The following KCNIP4 variants were observed in gnomAD, a reference collection of about 807,000 sequenced individuals.
The protein encoded by KCNIP4 is potassium voltage-gated channel interacting protein 4.
Under a neutral mutation model 34.0 loss-of-function variants are expected in KCNIP4, and 12 were observed. The observed-to-expected ratio is 0.35, with a 90% CI of 0.23 to 0.57. KCNIP4 has a LOEUF of 0.57. KCNIP4 is among the 20% of genes least tolerant of loss of function. KCNIP4 has a pLI of 0.83. For synonymous variants in KCNIP4, 124 were observed against 102.2 expected, an observed-to-expected ratio of 1.21 and a Z score of -1.29; for missense variants, 238 against 311.7, an observed-to-expected ratio of 0.76 and a Z score of 1.78.
chr4:21,322,447 G>A (rs1714599055), intron 1 of KCNIP4, among the ~76,000 whole-genome samples: 1 of 152,048 alleles, frequency 6.6e-6, no homozygotes, highest in Non-Finnish European at 1.5e-5. Context: ...CTTTTGGCTA[G>A]CCTATAACAC....
chr4:20,795,656 A>C (rs2149409430), intron 3 of KCNIP4, among the ~76,000 whole-genome samples: 1 of 152,250 alleles, frequency 6.6e-6, no homozygotes, highest in Admixed American at 6.5e-5. Flanking sequence ...ATATCTGCTA[A>C]TTGGTACATT....
intron 1 of KCNIP4, among the ~76,000 whole-genome samples, chr4:21,044,795 CTG>C (rs1486017481): frequency 6.6e-6 from 1 of 152,224 alleles, no homozygotes; most frequent in Non-Finnish European, 1.5e-5. Context: ...TCTGATCAAT[CTG>C]TGAATTTCCA....
At chr4:21,833,821 T>A (rs1350991818) in intron 1 of KCNIP4, among the ~76,000 whole-genome samples, 9 of 152,218 alleles carry the variant, frequency 5.9e-5, no homozygotes, top group African/African-American at 2.2e-4. Flanking sequence ...GCTAGCCAGT[T>A]TTCCCAGCAC....
intron 2 of KCNIP4, among the ~76,000 whole-genome samples, chr4:20,876,146 A>T (rs967663366): frequency 3.9e-5 from 6 of 152,214 alleles, no homozygotes; most frequent in Non-Finnish European, 7.3e-5. Flanking sequence ...AGATGTTGTT[A>T]TGAGTTAAAT....
intron 5 of KCNIP4, among the ~76,000 whole-genome samples, chr4:20,742,292 G>A (rs755425636): frequency 3.1e-4 from 47 of 152,296 alleles, no homozygotes; most frequent in Non-Finnish European, 4.7e-4. Context: ...CAATATCCCT[G>A]CTGAACATCG....
At chr4:21,399,321 G>C (rs1041116372) in intron 1 of KCNIP4, among the ~76,000 whole-genome samples, 3 of 152,222 alleles carry the variant, frequency 2.0e-5, no homozygotes, top group African/African-American at 7.2e-5. Context: ...GGAGGTAGCT[G>C]CTCTTCCCCA....
At chr4:21,891,602 G>C (rs1181437217) in intron 1 of KCNIP4, among the ~76,000 whole-genome samples, 1 of 152,054 alleles carries the variant, frequency 6.6e-6, no homozygotes, top group African/African-American at 2.4e-5. Context: ...CTGTCTAAGT[G>C]CACAGGGTCT....
intron 2 of KCNIP4, among the ~76,000 whole-genome samples, chr4:20,850,968 A>T (rs927398209): frequency 6.6e-6 from 1 of 152,224 alleles, no homozygotes; most frequent in African/African-American, 2.4e-5. Context: ...GGATTATATG[A>T]TTACGTCAAA....
chr4:21,870,575 T>C (rs1725729696), intron 1 of KCNIP4, among the ~76,000 whole-genome samples: 1 of 152,370 alleles, frequency 6.6e-6, no homozygotes, highest in Middle Eastern at 3.4e-3. Flanking sequence ...TATGAGTATG[T>C]ATGAACAGCT....
chr4:21,220,134 T>C (rs950220456), intron 1 of KCNIP4, among the ~76,000 whole-genome samples: 2 of 152,222 alleles, frequency 1.3e-5, no homozygotes, highest in Non-Finnish European at 2.9e-5. Flanking sequence ...TTATTCAATC[T>C]CCTTTTGGTA....
chr4:21,750,911 A>C (rs1399844174), intron 1 of KCNIP4, among the ~76,000 whole-genome samples: 2 of 152,172 alleles, frequency 1.3e-5, no homozygotes, highest in African/African-American at 4.8e-5. Flanking sequence ...CCTACAGTTA[A>C]GTGGGTTTGC....
chr4:20,846,582 T>C (rs1261363832), intron 3 of KCNIP4, among the ~76,000 whole-genome samples: 1 of 151,976 alleles, frequency 6.6e-6, no homozygotes, highest in Admixed American at 6.6e-5. Flanking sequence ...AAAAGAAGAA[T>C]TCCTAAACAT....
At chr4:21,303,727 A>T in intron 1 of KCNIP4, 1 of 1,091,492 alleles carries the variant, frequency 9.2e-7, no homozygotes, top group Non-Finnish European at 1.4e-6. Flanking sequence ...ATCTCATTTC[A>T]GGTGCCTCTT....
chr4:21,045,319 G>A (rs1477737962), intron 1 of KCNIP4, among the ~76,000 whole-genome samples: 2 of 152,170 alleles, frequency 1.3e-5, no homozygotes, highest in African/African-American at 2.4e-5. Flanking sequence ...AGTCTGGGGT[G>A]GGACCTAATA....
intron 1 of KCNIP4, among the ~76,000 whole-genome samples, chr4:21,373,258 G>A (rs1720658132): frequency 6.8e-6 from 1 of 146,540 alleles, no homozygotes; most frequent in Non-Finnish European, 1.5e-5. Context: ...GGGAGTTGAG[G>A]GTTGCAGTGA....
intron 1 of KCNIP4, among the ~76,000 whole-genome samples, chr4:21,108,276 A>G (rs1171537459): frequency 7.3e-6 from 1 of 137,842 alleles, no homozygotes; most frequent in Non-Finnish European, 1.5e-5. Flanking sequence ...GTAGTCCCAT[A>G]TTTCTTGGAG....
chr4:20,866,049 T>C (rs1221451218), intron 2 of KCNIP4, among the ~76,000 whole-genome samples: 1 of 151,996 alleles, frequency 6.6e-6, no homozygotes, highest in Non-Finnish European at 1.5e-5. Context: ...CTGGACCAGA[T>C]GGACTCATAG....
intron 1 of KCNIP4, among the ~76,000 whole-genome samples, chr4:21,156,780 T>C (rs1456664416): frequency 6.6e-6 from 1 of 152,154 alleles, no homozygotes. Flanking sequence ...ACTGTTTTTT[T>C]TAATAAACTA....
chr4:21,046,301 T>C (rs1036028560), intron 1 of KCNIP4, among the ~76,000 whole-genome samples: 1 of 152,214 alleles, frequency 6.6e-6, no homozygotes, highest in Non-Finnish European at 1.5e-5. Flanking sequence ...ATCAAAACCC[T>C]GGACACTGGT....
Sources: gnomAD v4.1 joint callset for allele counts (sites outside exome capture counted in the v4.1 genomes callset) on GRCh38, gnomAD v4.1.1 for gene constraint, MANE v1.5 for transcripts, NCBI Gene and HGNC (gene_info 2026-07-23, HGNC 2026-07-21) for gene names.